Variants in HECTD4 observed in about 807,000 individuals in gnomAD.
HECTD4 encodes the protein HECT domain E3 ubiquitin protein ligase 4.
A neutral mutation model predicts 471.5 loss-of-function variants in HECTD4; 114 were observed. The ratio of observed to expected loss-of-function variants is 0.24; its 90% confidence interval spans 0.21 to 0.28. The LOEUF (loss-of-function observed/expected upper bound fraction) is 0.28. HECTD4 is among the 10% of genes least tolerant of loss of function. The pLI is 1.00. For missense variants in HECTD4, 3,866 were observed against 5,651.5 expected (o/e 0.68, Z 10.13); for synonymous variants, 2,012 against 2,256.0 (o/e 0.89, Z 3.07).
chr12:112,267,061 A>G, intron 13 of HECTD4, 79 bp from the exon 14 acceptor site: 1 of 828,334 alleles, frequency 1.2e-6, no homozygotes, highest in Non-Finnish European at 2.0e-6. Context: ...TCATATTTTT[A>G]TTAAAGATGT....
At chr12:112,358,005 C>A (rs1029227366) in intron 1 of HECTD4, among the ~76,000 whole-genome samples, 10 of 152,116 alleles carry the variant, frequency 6.6e-5, no homozygotes, top group African/African-American at 2.2e-4. Context: ...GAGTTTGAGA[C>A]CAGCCTGGCC....
chr12:112,250,641 A>G (rs2033861289), intron 24 of HECTD4, among the ~76,000 whole-genome samples: 1 of 152,224 alleles, frequency 6.6e-6, no homozygotes, highest in African/African-American at 2.4e-5. Flanking sequence ...ATATCCACAG[A>G]CACACTTGTC....
chr12:112,216,063 G>A (rs1193855618), intron 48 of HECTD4, among the ~76,000 whole-genome samples: 1 of 152,134 alleles, frequency 6.6e-6, no homozygotes, highest in Non-Finnish European at 1.5e-5. Context: ...AATGACTAAG[G>A]CACAAAAGTA....
intron 49 of HECTD4, among the ~76,000 whole-genome samples, chr12:112,212,216 T>C (rs930991499): frequency 6.6e-5 from 10 of 152,260 alleles, no homozygotes; most frequent in African/African-American, 2.4e-4. Context: ...AGAACTCTAG[T>C]GTTCCTTGCA....
Position 112,193,261 on chromosome 12 carries a change from A to T in HECTD4, c.8956-70T>A. ...GGACAGCATTTCATCTTCTCATCTC[A>T]CATGGCCCAGGAAATCAGCCAAACG... On this transcript the variant is annotated intron_variant, in intron 57 of 75. Transcript: ENST00000682272. This position sits in a 1 kb window ranked among gnomAD's most constrained non-coding sequence, Gnocchi z 5.2. The T allele has an allele frequency of 1.3e-6, 2 of 1,566,458 alleles. No individual in the cohort carries two copies. The highest frequency in any genetic ancestry group is 1.7e-6 in the Non-Finnish European group (2 of 1,150,176).
chr12:112,335,531 T>C (rs1427115058), intron 1 of HECTD4, among the ~76,000 whole-genome samples: 1 of 151,854 alleles, frequency 6.6e-6, no homozygotes, highest in East Asian at 1.9e-4. Context: ...TCTCTAAAAA[T>C]ATAAAAATTA....
chr12:112,207,833 G>A, intron 52 of HECTD4, 41 bp downstream of exon 52: 1 of 1,600,396 alleles, frequency 6.2e-7, no homozygotes, highest in Non-Finnish European at 8.5e-7. Context: ...CTCACTTCAA[G>A]TCATGAAGTA....
rs1422284330 is a variant in HECTD4, at chr12:112,207,930, C to T, written c.8075G>A (p.Arg2692His). The change falls in exon 52 of 76, where the codon CGC becomes CAC. Residue 2692 changes from arginine (R) to histidine (H), a missense_variant. Physicochemically the swap from Arg to His is conservative, Grantham distance 29. Transcript: ENST00000682272. ...GCCCGATTTCCGCTCTGCTTCATTG[C>T]GGAAGCGTCTTCGGATGGTAGGAAA... ...KVFPTIRRRF[R>H]NEAERKSGLD... 1.2e-6 allele frequency: 2 copies of T among 1,613,826 alleles called. No homozygotes were observed. Among genetic ancestry groups the T allele is most frequent in the African/African-American group, 1.3e-5 (1 of 74,916 alleles).
intron 23 of HECTD4, among the ~76,000 whole-genome samples, chr12:112,251,592 A>G (rs935722272): frequency 6.6e-6 from 1 of 152,230 alleles, no homozygotes; most frequent in African/African-American, 2.4e-5. Flanking sequence ...TGCCTGAGAT[A>G]CATCAGAGAA....
At chr12:112,314,225 T>C (rs1289917694) in intron 3 of HECTD4, among the ~76,000 whole-genome samples, 1 of 152,044 alleles carries the variant, frequency 6.6e-6, no homozygotes, top group East Asian at 1.9e-4. Context: ...CCACCAGCTA[T>C]TGCATTTTTA....
rs1593913467 is a variant in HECTD4 at position 112,190,963 on chromosome 12, C to A, written c.9295G>T (p.Val3099Leu). The A allele has an allele frequency of 1.3e-6, 2 of 1,552,436 alleles. No individual in the cohort carries two copies. The highest frequency in any genetic ancestry group is 1.7e-6 in the Non-Finnish European group (2 of 1,148,176). ...STDRVHIKLGVSPPPGAVLVL... is the reference protein window; with the variant it reads ...STDRVHIKLGLSPPPGAVLVL... ...AGGACTGCTCCAGGAGGTGGAGACA[C>A]CCCTGCAAGAAGCACCCAGGAAGAA... The change falls in exon 60 of 76, where the codon GTG (valine) becomes TTG (leucine). Residue 3099 changes from valine to leucine, a missense_variant and splice_region_variant. Transcript: ENST00000682272.
chr12:112,228,872 G>C lies in HECTD4; in HGVS notation c.6520-61C>G. The C allele has an allele frequency of 6.7e-7, 1 of 1,485,710 alleles. No homozygotes were observed. Among genetic ancestry groups the C allele is most frequent in the Non-Finnish European group, 9.2e-7 (1 of 1,083,634 alleles). 92.0% of individuals were successfully genotyped at this position (1,485,710 alleles called of 1,614,324 possible). On this transcript the variant is annotated intron_variant, in intron 41 of 75. Coordinates refer to ENST00000682272, the MANE Select transcript of HECTD4 (RefSeq NM_001388303.1). The surrounding 1 kb of genome is among the most constrained non-coding windows in gnomAD (Gnocchi z 4.9). ...TCTGACGTGTGGGCAGCTGTCTTACGAGACAAGAGGAAAAAGTAAATTTAT... is the reference window on the plus strand; with the variant it reads ...TCTGACGTGTGGGCAGCTGTCTTACCAGACAAGAGGAAAAAGTAAATTTAT...
intron 17 of HECTD4, among the ~76,000 whole-genome samples, chr12:112,263,510 C>T (rs968672048): frequency 5.9e-5 from 9 of 152,066 alleles, no homozygotes; most frequent in African/African-American, 2.2e-4. Flanking sequence ...TATAAATTGT[C>T]ATGTGGGAAC....
chr12:112,323,770 C>G (rs866744565), intron 1 of HECTD4, among the ~76,000 whole-genome samples: 3 of 151,316 alleles, frequency 2.0e-5, no homozygotes, highest in Admixed American at 6.6e-5. Context: ...TGTTAAAATT[C>G]ATAGAACTAC....
At chr12:112,350,795 A>T (rs2036236434) in intron 1 of HECTD4, among the ~76,000 whole-genome samples, 1 of 152,218 alleles carries the variant, frequency 6.6e-6, no homozygotes, top group Non-Finnish European at 1.5e-5. Context: ...TTATGGTGCC[A>T]GTACTTTTGG....
intron 1 of HECTD4, among the ~76,000 whole-genome samples, chr12:112,334,734 T>G (rs1304596724): frequency 7.0e-6 from 1 of 143,112 alleles, no homozygotes; most frequent in Non-Finnish European, 1.5e-5. Flanking sequence ...TGCTTGAACC[T>G]GGGAGGGAGA....
At chr12:112,347,246 A>G (rs1436698491) in intron 1 of HECTD4, among the ~76,000 whole-genome samples, 2 of 152,196 alleles carry the variant, frequency 1.3e-5, no homozygotes, top group Non-Finnish European at 2.9e-5. Context: ...ATGGTGGCTC[A>G]TGTCTGTAAT....
chr12:112,295,126 G>A lies in HECTD4; in HGVS notation c.1335+10938C>T, dbSNP rs567815184. Among the ~76,000 whole-genome samples the A allele has an allele frequency of 8.0e-4, 115 of 143,638 alleles. 2 individuals are homozygous for A. In the South Asian group the frequency reaches 0.026, roughly 32 times the overall value. 94.2% of individuals were successfully genotyped at this position (143,638 alleles called of 152,430 possible). ...TCGAGGCTAGCCGAGGCAACATAGC[G>A]AAATCCCGTCTGAAAAAAAAAAAGA... On this transcript the variant is annotated intron_variant, in intron 7 of 75. Coordinates refer to ENST00000682272, the MANE Select transcript of HECTD4 (RefSeq NM_001388303.1).
At position 112,243,953 on chromosome 12, in the gene HECTD4, A is replaced by C; in HGVS notation, c.4570T>G (p.Phe1524Val). 6.2e-7 allele frequency: 1 copy of C among 1,614,050 alleles called. No individual in the cohort carries two copies. Among genetic ancestry groups the C allele is most frequent in the Non-Finnish European group, 8.5e-7 (1 of 1,179,884 alleles). ...VISHAVRQPV[F>V]LRSMSAPSDL... ...GAAGGAGCTGACATGCTGCGAAGAAAAACAGGCTGCCTGACAGCGTGAGAT... is the reference window on the plus strand; with the variant it reads ...GAAGGAGCTGACATGCTGCGAAGAACAACAGGCTGCCTGACAGCGTGAGAT... The change falls in exon 30 of 76, where the codon TTT (phenylalanine) becomes GTT (valine). Residue 1524 changes from phenylalanine (F) to valine (V), a missense_variant. By Grantham distance (50) the Phe-to-Val change is conservative. Around this residue, in one of 16 missense-constraint regions of HECTD4, gnomAD observed 229 missense variants for 386.4 expected, o/e 0.59. Transcript: ENST00000682272. The surrounding 1 kb of genome is among the most constrained non-coding windows in gnomAD (Gnocchi z 6.6).
Sources: gnomAD v4.1 joint callset for allele counts (sites outside exome capture counted in the v4.1 genomes callset) on GRCh38, gnomAD v4.1.1 for gene constraint, gnomAD v4.1.1 regional missense constraint, Gnocchi (gnomAD v3.1) non-coding constraint, MANE v1.5 for transcripts, NCBI Gene and HGNC (gene_info 2026-07-23, HGNC 2026-07-21) for gene names.